SLC4A1AP: variants seen among roughly 807,000 people sequenced by gnomAD.
SLC4A1AP encodes the protein kanadaptin.
Under a neutral mutation model 89.7 loss-of-function variants are expected in SLC4A1AP, and 64 were observed. The ratio of observed to expected loss-of-function variants is 0.71; its 90% confidence interval spans 0.58 to 0.88. SLC4A1AP has a LOEUF of 0.88. SLC4A1AP is among the 40% of genes least tolerant of loss of function. The pLI is 0.00. For synonymous variants in SLC4A1AP, 366 were observed against 353.3 expected (o/e 1.04, Z -0.40); for missense variants, 931 against 965.0 (o/e 0.96, Z 0.47).
intron 3 of SLC4A1AP, among the ~76,000 whole-genome samples, chr2:27,667,840 A>C (rs1469489092): frequency 6.6e-6 from 1 of 151,380 alleles, no homozygotes; most frequent in East Asian, 1.9e-4. Flanking sequence ...GAGAATATCT[A>C]TGTATATGTA....
intron 12 of SLC4A1AP, among the ~76,000 whole-genome samples, chr2:27,690,204 T>C (rs967769253): frequency 1.3e-5 from 2 of 152,226 alleles, no homozygotes; most frequent in African/African-American, 2.4e-5. Flanking sequence ...TTTGGTTACA[T>C]AGATGAATCA....
intron 2 of SLC4A1AP, among the ~76,000 whole-genome samples, 182 bp from the exon 3 acceptor site, chr2:27,667,086 G>T (rs1217410779): frequency 6.6e-6 from 1 of 151,974 alleles, no homozygotes; most frequent in Non-Finnish European, 1.5e-5. Flanking sequence ...GGCCAAGCTG[G>T]TCTTGAACTC....
chr2:27,688,025 G>GTA lies in SLC4A1AP; in HGVS notation c.2203+6_2203+7dup, dbSNP rs1318440987. ...CATTGTGCGCAGGACCCTCAGGCAAGTAGTACGGCAGCCTTCATTGCTGCT... is the reference window on the plus strand; with the variant it reads ...CATTGTGCGCAGGACCCTCAGGCAAGTATAGTACGGCAGCCTTCATTGCTGCT... On this transcript the variant is annotated splice_donor_region_variant and intron_variant, in intron 11 of 13. Transcript: ENST00000613058. The GTA allele has an allele frequency of 1.2e-6, 2 of 1,612,540 alleles. No homozygotes were observed. Among genetic ancestry groups the GTA allele is most frequent in the Admixed American group, 3.3e-5 (2 of 59,968 alleles).
intron 6 of SLC4A1AP, among the ~76,000 whole-genome samples, 194 bp downstream of exon 6, chr2:27,675,886 A>T (rs572275150): frequency 6.6e-6 from 1 of 152,214 alleles, no homozygotes; most frequent in African/African-American, 2.4e-5. Context: ...TGAAAAAAAT[A>T]TGGCTTGCTG....
intron 9 of SLC4A1AP, among the ~76,000 whole-genome samples, chr2:27,683,960 A>T (rs950547292): frequency 6.6e-6 from 1 of 151,120 alleles, no homozygotes; most frequent in African/African-American, 2.4e-5. Flanking sequence ...CTGGTCTCGA[A>T]CTCCTGACCT....
chr2:27,682,815 C>T (rs938790388), intron 9 of SLC4A1AP, among the ~76,000 whole-genome samples: 2 of 152,138 alleles, frequency 1.3e-5, no homozygotes, highest in Non-Finnish European at 2.9e-5. Flanking sequence ...AGCCATTGTG[C>T]CTGGCCAGTT....
intron 6 of SLC4A1AP, among the ~76,000 whole-genome samples, chr2:27,676,593 C>T (rs547495299): frequency 1.1e-4 from 17 of 150,638 alleles, no homozygotes; most frequent in East Asian, 2.0e-4. Context: ...AGGCTGAGGC[C>T]GGTGGATCAC....
At chr2:27,673,324 CTT>C (rs1269226515) in intron 5 of SLC4A1AP, among the ~76,000 whole-genome samples, 10 of 2,584 alleles carry the variant, frequency 3.9e-3, no homozygotes, top group Non-Finnish European at 0.018. Flanking sequence ...CTCTCTCTCT[CTT>C]TCTTTTCTTT....
At chr2:27,682,548 CAG>C (rs1460413799) in intron 9 of SLC4A1AP, among the ~76,000 whole-genome samples, 189 bp downstream of exon 9, 3 of 136,722 alleles carry the variant, frequency 2.2e-5, no homozygotes, top group Non-Finnish European at 4.6e-5. Context: ...TTTTTGGAGA[CAG>C]AGTCTCACTC....
chr2:27,686,908 C>T (rs1036915083), intron 10 of SLC4A1AP, among the ~76,000 whole-genome samples: 2 of 151,990 alleles, frequency 1.3e-5, no homozygotes, highest in Non-Finnish European at 2.9e-5. Context: ...TACTTTGTTA[C>T]CCAGGTTGGA....
intron 5 of SLC4A1AP, among the ~76,000 whole-genome samples, chr2:27,673,923 C>T (rs1675470687): frequency 6.6e-6 from 1 of 151,908 alleles, no homozygotes; most frequent in South Asian, 2.1e-4. Context: ...TGAACCAGAA[C>T]CTCAAGTTCT....
intron 2 of SLC4A1AP, among the ~76,000 whole-genome samples, chr2:27,666,251 A>C (rs1675317146): frequency 6.6e-6 from 1 of 150,936 alleles, no homozygotes; most frequent in African/African-American, 2.4e-5. Context: ...GTTGGACAGC[A>C]CTGACTTAGA....
At chr2:27,683,778 C>A (rs76342624) in intron 9 of SLC4A1AP, among the ~76,000 whole-genome samples, 1,912 of 152,188 alleles carry the variant, frequency 0.013, 19 homozygotes, top group Middle Eastern at 0.02. Context: ...CACACTGTCA[C>A]CCAGGCTGCA....
intron 11 of SLC4A1AP, 83 bp from the exon 12 acceptor site, chr2:27,688,617 T>A (rs1675742328): frequency 1.2e-6 from 1 of 843,964 alleles, no homozygotes; most frequent in African/African-American, 1.7e-5. Flanking sequence ...TCAATAATTG[T>A]AATGTTCTTT....
At chr2:27,692,343 C>T (rs776249735) in intron 12 of SLC4A1AP, 4 of 152,036 alleles carry the variant, frequency 2.6e-5, no homozygotes, top group South Asian at 2.1e-4. Flanking sequence ...TAGTTTTATT[C>T]GACTGTGGTC....
chr2:27,688,387 C>G (rs1394577419), intron 11 of SLC4A1AP, among the ~76,000 whole-genome samples: 1 of 152,184 alleles, frequency 6.6e-6, no homozygotes, highest in East Asian at 1.9e-4. Flanking sequence ...AAAAGGACTG[C>G]TTTACTCTGG....
intron 5 of SLC4A1AP, among the ~76,000 whole-genome samples, chr2:27,673,089 G>A (rs961572963): frequency 1.1e-4 from 17 of 152,142 alleles, no homozygotes; most frequent in African/African-American, 4.1e-4. Flanking sequence ...AGGCAGGGAG[G>A]AAGATCTATT....
At chr2:27,694,676 G>C (rs1675844175) in exon 14 of SLC4A1AP, 1 of 1,576,592 alleles carries the variant, frequency 6.3e-7, no homozygotes, top group African/African-American at 1.3e-5. Flanking sequence ...GACAAGTATG[G>C]CTATTGATTG....
chr2:27,681,126 A>G (rs1334763673), intron 8 of SLC4A1AP, among the ~76,000 whole-genome samples: 2 of 152,148 alleles, frequency 1.3e-5, no homozygotes, highest in African/African-American at 4.8e-5. Flanking sequence ...TTTTTAATGT[A>G]GCTGAAAACA....
Sources: allele counts gnomAD v4.1 joint callset (sites outside exome capture counted in the v4.1 genomes callset), GRCh38; gene constraint gnomAD v4.1.1; transcripts MANE v1.5; gene names NCBI Gene and HGNC (gene_info 2026-07-23, HGNC 2026-07-21).